The following PTP4A3 variants were observed in gnomAD, a reference collection of about 807,000 sequenced individuals.
The protein encoded by PTP4A3 is protein tyrosine phosphatase 4A3, also known as protein tyrosine phosphatase type IVA 3.
Under a neutral mutation model 15.2 loss-of-function variants are expected in PTP4A3, and 9 were observed. The ratio of observed to expected loss-of-function variants is 0.59; its 90% CI spans 0.36 to 1.03. PTP4A3 has a LOEUF of 1.03. PTP4A3 is among the 50% of genes least tolerant of loss of function. The pLI is 0.02. For synonymous variants in PTP4A3, 95 were observed against 102.0 expected (o/e 0.93, Z 0.41); for missense variants, 234 against 252.1 (o/e 0.93, Z 0.49).
At chr8:141,395,389 A>G (rs1832419484) in intron 1 of PTP4A3, among the ~76,000 whole-genome samples, 2 of 152,208 alleles carry the variant, frequency 1.3e-5, no homozygotes, top group Non-Finnish European at 2.9e-5. Flanking sequence ...CCCGCCAGGC[A>G]CGTGCCACTC....
Position 141,431,695 on chromosome 8 carries a change from C to CCCTGT in PTP4A3, c.*661_*665dup, listed in dbSNP as rs1374915391. On this transcript the variant is annotated 3_prime_UTR_variant, in exon 6 of 6. Coordinates refer to ENST00000521578, the MANE Select transcript of PTP4A3 (RefSeq NM_032611.3). The stretch of plus-strand genomic sequence containing the variant: ...GCACCCCGACCCAGGGGCCAGCCTG[C>CCCTGT]CCTGTCCTGTCCTGATACCGAGGTG... 6.6e-6 allele frequency: 1 copy of CCCTGT among 152,632 alleles called. No individual in the cohort carries two copies. Among genetic ancestry groups the CCCTGT allele is most frequent in the African/African-American group, 2.4e-5 (1 of 41,452 alleles). The allele number at this position is 152,632 out of a possible 1,614,324, so 9.5% of individuals were successfully genotyped here.
At chr8:141,409,831 G>A (rs1403457462) in intron 1 of PTP4A3, among the ~76,000 whole-genome samples, 2 of 152,350 alleles carry the variant, frequency 1.3e-5, no homozygotes, top group Non-Finnish European at 1.5e-5. Context: ...CCCTGCTTGC[G>A]CTGGCGAGGG....
intron 1 of PTP4A3, among the ~76,000 whole-genome samples, chr8:141,394,528 C>T (rs920392678): frequency 1.3e-5 from 2 of 152,218 alleles, no homozygotes; most frequent in Admixed American, 6.5e-5. Context: ...CTAGCAAGTG[C>T]AGCAGCCCGA....
intron 1 of PTP4A3, among the ~76,000 whole-genome samples, chr8:141,395,018 G>A (rs993785225): frequency 2.0e-5 from 3 of 152,232 alleles, no homozygotes; most frequent in Non-Finnish European, 4.4e-5. Flanking sequence ...GACGGGGACA[G>A]GGACGGGTGC....
At chr8:141,414,527 GTC>G (rs1464870864) in intron 1 of PTP4A3, among the ~76,000 whole-genome samples, 1 of 151,794 alleles carries the variant, frequency 6.6e-6, no homozygotes, top group Non-Finnish European at 1.5e-5. Context: ...AGGTGTGTGA[GTC>G]TCTGCACCTG....
chr8:141,393,249 C>A (rs1832342723), intron 1 of PTP4A3, among the ~76,000 whole-genome samples: 1 of 152,216 alleles, frequency 6.6e-6, no homozygotes, highest in African/African-American at 2.4e-5. Context: ...GCCTGCGGGG[C>A]TAAGCAGAGC....
intron 1 of PTP4A3, among the ~76,000 whole-genome samples, chr8:141,420,460 G>A (rs886696383): frequency 4.6e-5 from 7 of 152,138 alleles, no homozygotes; most frequent in Non-Finnish European, 1.0e-4. Flanking sequence ...CCTTTGCCTG[G>A]GAGCTTTGGG....
chr8:141,420,035 G>T (rs986111590), intron 1 of PTP4A3, among the ~76,000 whole-genome samples: 1 of 152,162 alleles, frequency 6.6e-6, no homozygotes, highest in Non-Finnish European at 1.5e-5. Flanking sequence ...GAGTCCAGGG[G>T]CCCAGGCCTC....
chr8:141,419,825 C>T (rs146920171), intron 1 of PTP4A3, among the ~76,000 whole-genome samples: 4 of 152,246 alleles, frequency 2.6e-5, no homozygotes, highest in African/African-American at 7.2e-5. Context: ...GTGATCCGCC[C>T]GCCTTGGCCT....
chr8:141,409,123 G>A (rs1200867281), intron 1 of PTP4A3, among the ~76,000 whole-genome samples: 1 of 152,194 alleles, frequency 6.6e-6, no homozygotes, highest in African/African-American at 2.4e-5. Context: ...GTGGCCTGAG[G>A]GCCTCTCAGT....
chr8:141,425,075 G>A lies in PTP4A3; in HGVS notation c.133G>A (p.Val45Met). The A allele has an allele frequency of 6.2e-7, 1 of 1,613,384 alleles. No individual in the cohort carries two copies. The highest frequency in any genetic ancestry group is 8.5e-7 in the Non-Finnish European group (1 of 1,179,910). Reference protein sequence around the residue: ...EDLKKYGATTVVRVCEVTYDK... With the variant: ...EDLKKYGATTMVRVCEVTYDK... ...CCTGAAGAAGTACGGGGCTACCACT[G>A]TGGTGCGTGTGTGTGAAGTGACCTA... The change falls in exon 3 of 6, where the codon GTG becomes ATG. Residue 45 changes from valine to methionine, a missense_variant. By Grantham distance (21) the Val-to-Met change is conservative. Coordinates refer to ENST00000521578, the MANE Select transcript of PTP4A3 (RefSeq NM_032611.3). This position sits in a 1 kb window ranked among gnomAD's most constrained non-coding sequence, Gnocchi z 4.2.
intron 1 of PTP4A3, among the ~76,000 whole-genome samples, chr8:141,402,412 C>T (rs1832615520): frequency 1.3e-5 from 2 of 152,314 alleles, no homozygotes; most frequent in South Asian, 4.1e-4. Context: ...TCCAGCTGCC[C>T]CGGCATTTGT....
chr8:141,395,296 A>G (rs1175811006), intron 1 of PTP4A3, among the ~76,000 whole-genome samples: 1 of 152,204 alleles, frequency 6.6e-6, no homozygotes, highest in Non-Finnish European at 1.5e-5. Context: ...GCTGTTGTAC[A>G]AAAGACAGTT....
At chr8:141,413,378 C>A (rs1832919788) in intron 1 of PTP4A3, among the ~76,000 whole-genome samples, 1 of 152,222 alleles carries the variant, frequency 6.6e-6, no homozygotes, top group African/African-American at 2.4e-5. Flanking sequence ...ATGGCACTGG[C>A]TAAATGGGGC....
chr8:141,417,326 G>A (rs1174798395), intron 1 of PTP4A3, among the ~76,000 whole-genome samples: 2 of 152,308 alleles, frequency 1.3e-5, no homozygotes, highest in African/African-American at 2.4e-5. Context: ...GGGTCGTGAG[G>A]ATTAAGTGAG....
chr8:141,417,521 C>G (rs1833103337), intron 1 of PTP4A3, among the ~76,000 whole-genome samples: 1 of 152,086 alleles, frequency 6.6e-6, no homozygotes, highest in South Asian at 2.1e-4. Context: ...CGCGCTCTGT[C>G]CAGGCCTCCC....
In PTP4A3 at chr8:141,406,497, G is replaced by C. The variant is rs1353531827; in HGVS notation, c.-854+14413G>C. ...TCCCCCTGGGAAGTCCTGCCCTCCT[G>C]CCTCTGGCCCTTGCTCAAGCCGCGC... On this transcript the variant is annotated intron_variant, in intron 1 of 5. Transcript: ENST00000521578. This position sits in a 1 kb window ranked among gnomAD's most constrained non-coding sequence, Gnocchi z 4.5. Among the ~76,000 whole-genome samples the C allele has an allele frequency of 6.6e-6, 1 of 152,054 alleles. No homozygotes were observed. Among genetic ancestry groups the C allele is most frequent in the African/African-American group, 2.4e-5 (1 of 41,380 alleles).
chr8:141,413,991 G>C (rs1412939005), intron 1 of PTP4A3, among the ~76,000 whole-genome samples: 2 of 152,214 alleles, frequency 1.3e-5, no homozygotes, highest in African/African-American at 4.8e-5. Context: ...CGTGGGGCTG[G>C]ACTGCTGCGG....
At chr8:141,404,706 G>A (rs1832682370) in intron 1 of PTP4A3, among the ~76,000 whole-genome samples, 1 of 152,144 alleles carries the variant, frequency 6.6e-6, no homozygotes, top group African/African-American at 2.4e-5. Flanking sequence ...GCAGAGGCAG[G>A]GGCTCCATCC....
Sources: allele counts gnomAD v4.1 joint callset (sites outside exome capture counted in the v4.1 genomes callset), GRCh38; gene constraint gnomAD v4.1.1; non-coding constraint Gnocchi (gnomAD v3.1); transcripts MANE v1.5; gene names NCBI Gene and HGNC (gene_info 2026-07-23, HGNC 2026-07-21).